The following CNGB1 variants were observed in gnomAD, a reference collection of about 807,000 sequenced individuals.
The protein encoded by CNGB1 is cyclic nucleotide gated channel subunit beta 1.
In CNGB1, 126 loss-of-function variants were observed where a neutral mutation model predicts 151.7. The ratio of observed to expected loss-of-function variants is 0.83; its 90% confidence interval spans 0.72 to 0.96. The LOEUF is 0.96. CNGB1 is among the 40% of genes least tolerant of loss of function. CNGB1 has a pLI of 0.00. For missense variants in CNGB1, 1,698 were observed against 1,627.0 expected (o/e 1.04, Z -0.75); for synonymous variants, 623 against 635.1 (o/e 0.98, Z 0.29).
chr16:57,958,428 A>G lies in CNGB1; in HGVS notation c.819T>C (p.His273=), dbSNP rs749951105. 1.3e-5 allele frequency: 20 copies of G among 1,582,762 alleles called. No individual in the cohort carries two copies. In the East Asian group the frequency reaches 3.6e-4, roughly 29 times the overall value. Residue 273 remains histidine, a synonymous_variant, in exon 11 of 33, where the codon CAT becomes CAC. Coordinates refer to ENST00000251102, the MANE Select transcript of CNGB1 (RefSeq NM_001297.5). The part of the protein sequence containing the change: ...LEMALPQPVL[H]GKIGEQEPDS... ...CACTGACCTGTTCCCCTATTTTCCC[A>G]TGTAGCACTGGCTGCGGCAAGGCCA...
At position 57,949,299 on chromosome 16, in the gene CNGB1, C is replaced by T; in HGVS notation, c.1121+54G>A. On this transcript the variant is annotated intron_variant, in intron 14 of 32. Coordinates refer to ENST00000251102, the MANE Select transcript of CNGB1 (RefSeq NM_001297.5). ...GCAAAGAGTGCCCAGACCCCAGGAG[C>T]TCAGCCAACCCCAGCCCCAGGGCCG... 3.1e-6 allele frequency: 5 copies of T among 1,601,488 alleles called. No homozygotes were observed. In the South Asian group the frequency reaches 5.5e-5, roughly 18 times the overall value.
intron 20 of CNGB1, among the ~76,000 whole-genome samples, chr16:57,918,338 C>A (rs1344647007): frequency 6.6e-6 from 1 of 151,986 alleles, no homozygotes; most frequent in African/African-American, 2.4e-5. Context: ...AAATGTGTGA[C>A]CTTGAGAAAG....
intron 13 of CNGB1, 53 bp downstream of exon 13, chr16:57,950,328 T>G (rs1597005489): frequency 4.4e-6 from 7 of 1,604,636 alleles, no homozygotes; most frequent in Middle Eastern, 3.3e-4. Flanking sequence ...ACTGCATGCT[T>G]GGCACTTTCT....
chr16:57,958,852 T>G (rs1567396461), intron 10 of CNGB1, among the ~76,000 whole-genome samples: 1 of 151,966 alleles, frequency 6.6e-6, no homozygotes, highest in Non-Finnish European at 1.5e-5. Context: ...CAGGCTGATG[T>G]GATCATATCT....
At chr16:57,898,540 C>T (rs184235356) in intron 29 of CNGB1, among the ~76,000 whole-genome samples, 5 of 152,202 alleles carry the variant, frequency 3.3e-5, no homozygotes, top group East Asian at 3.9e-4. Flanking sequence ...TTCAGCCTCC[C>T]GAGTAGCTGG....
At chr16:57,885,468 A>C (rs1378006924) in intron 32 of CNGB1, among the ~76,000 whole-genome samples, 1 of 151,240 alleles carries the variant, frequency 6.6e-6, no homozygotes, top group Non-Finnish European at 1.5e-5. Flanking sequence ...TGTCCACCCT[A>C]CACTCTATTC....
At chr16:57,960,215 C>T in intron 9 of CNGB1, 150 bp from the exon 10 acceptor site, 1 of 1,433,126 alleles carries the variant, frequency 7.0e-7, no homozygotes, top group Non-Finnish European at 9.3e-7. Context: ...CTCAAACAGA[C>T]CAGACAGACA....
At chr16:57,929,854 A>G (rs1007679338) in intron 17 of CNGB1, among the ~76,000 whole-genome samples, 3 of 152,238 alleles carry the variant, frequency 2.0e-5, no homozygotes, top group Non-Finnish European at 4.4e-5. Flanking sequence ...GAGCCAAACC[A>G]TATAATCAGA....
intron 10 of CNGB1, 120 bp from the exon 11 acceptor site, chr16:57,958,605 G>C: frequency 1.2e-6 from 1 of 833,616 alleles, no homozygotes; most frequent in Non-Finnish European, 2.0e-6. Context: ...CCTGCCAGGA[G>C]CCAGAGCCCA....
intron 18 of CNGB1, among the ~76,000 whole-genome samples, chr16:57,920,785 C>A (rs1270334312): frequency 6.6e-6 from 1 of 152,184 alleles, no homozygotes; most frequent in East Asian, 1.9e-4. Flanking sequence ...ACCACGTAGG[C>A]TCTGATTCAG....
At chr16:57,962,772 G>C in intron 6 of CNGB1, 70 bp downstream of exon 6, 1 of 1,599,402 alleles carries the variant, frequency 6.3e-7, no homozygotes, top group Non-Finnish European at 8.5e-7. Flanking sequence ...CCAAGGGGCA[G>C]GGCCCATCCC....
At chr16:57,934,751 G>C (rs1408803992) in intron 16 of CNGB1, among the ~76,000 whole-genome samples, 1 of 152,224 alleles carries the variant, frequency 6.6e-6, no homozygotes, top group Admixed American at 6.5e-5. Context: ...GAAGTTAGGA[G>C]TTTGAGGCCA....
intron 31 of CNGB1, among the ~76,000 whole-genome samples, chr16:57,896,500 G>T (rs1284409587): frequency 1.3e-5 from 2 of 151,910 alleles, no homozygotes; most frequent in Non-Finnish European, 2.9e-5. Flanking sequence ...GGATCACGAT[G>T]TCAGGAGTTT....
At position 57,918,108 on chromosome 16, in the gene CNGB1, GTTATTTATTTAT is replaced by G. The variant is rs35373193; in HGVS notation, c.1958-644_1958-633del. Reference sequence around the variant, plus strand: ...ATAGATGGGTATTCCAGATCATCTGGTTATTTATTTATTTATTTATTTATTTATTTATTTATT... The same window carrying G: ...ATAGATGGGTATTCCAGATCATCTGGTTATTTATTTATTTATTTATTTATT... On this transcript the variant is annotated intron_variant, in intron 20 of 32. Transcript: ENST00000251102. Among the ~76,000 whole-genome samples the G allele has an allele frequency of 1.5e-3, 219 of 142,456 alleles. 2 individuals carry two copies. Among genetic ancestry groups the G allele is most frequent in the African/African-American group, 4.7e-3 (179 of 37,980 alleles). The allele number at this position is 142,456 out of a possible 152,430, so 93.5% of individuals were successfully genotyped here.
chr16:57,919,267 A>G lies in CNGB1; in HGVS notation c.1802-13T>C. 1 of 1,614,044 alleles carries G rather than the reference A, an allele frequency of 6.2e-7. No individual in the cohort carries two copies. Among genetic ancestry groups the G allele is most frequent in the South Asian group, 1.1e-5 (1 of 91,076 alleles). On this transcript the variant is annotated splice_polypyrimidine_tract_variant and intron_variant, in intron 19 of 32. Coordinates refer to ENST00000251102, the MANE Select transcript of CNGB1 (RefSeq NM_001297.5). ...TTCTTGGCTGGGGCTGTGGGATGACATTGGTGACCATCTGAACCAGCCCTG... is the reference window on the plus strand; with the variant it reads ...TTCTTGGCTGGGGCTGTGGGATGACGTTGGTGACCATCTGAACCAGCCCTG...
At chr16:57,914,581 A>C (rs1960811446) in intron 23 of CNGB1, among the ~76,000 whole-genome samples, 1 of 152,230 alleles carries the variant, frequency 6.6e-6, no homozygotes, top group Non-Finnish European at 1.5e-5. Context: ...TTGGTTGGCC[A>C]TCAAAATCCA....
intron 29 of CNGB1, among the ~76,000 whole-genome samples, chr16:57,898,157 G>C: frequency 6.6e-6 from 1 of 152,164 alleles, no homozygotes; most frequent in East Asian, 1.9e-4. Flanking sequence ...GGGTTGCAGT[G>C]GGGGAGTTAG....
At chr16:57,900,906 GGC>G (rs1292253451) in intron 29 of CNGB1, among the ~76,000 whole-genome samples, 3 of 151,418 alleles carry the variant, frequency 2.0e-5, no homozygotes, top group Non-Finnish European at 2.9e-5. Flanking sequence ...CTTATCCAAA[GGC>G]CACCAGTTTG....
intron 25 of CNGB1, among the ~76,000 whole-genome samples, chr16:57,911,216 C>T (rs1377222015): frequency 6.6e-6 from 1 of 152,216 alleles, no homozygotes; most frequent in Non-Finnish European, 1.5e-5. Context: ...CTTGTTCACA[C>T]CAGTACCTCC....
Sources: allele counts gnomAD v4.1 joint callset (sites outside exome capture counted in the v4.1 genomes callset), GRCh38; gene constraint gnomAD v4.1.1; transcripts MANE v1.5; gene names NCBI Gene and HGNC (gene_info 2026-07-23, HGNC 2026-07-21).